The following PLXNA4 variants were observed in gnomAD, a reference collection of about 807,000 sequenced individuals.
PLXNA4 encodes the protein plexin-A4.
A neutral mutation model predicts 191.8 loss-of-function variants in PLXNA4; 44 were observed. The ratio of observed to expected loss-of-function variants is 0.23; its 90% CI spans 0.18 to 0.29. The LOEUF is 0.29. Among genes scored for constraint, PLXNA4 ranks in the 10% least tolerant of loss-of-function variants. PLXNA4 has a pLI of 1.00. For synonymous variants in PLXNA4, 1,082 were observed against 1,009.5 expected, an observed-to-expected ratio of 1.07 and a Z score of -1.36; for missense variants, 1,800 against 2,488.8, an observed-to-expected ratio of 0.72 and a Z score of 5.89.
chr7:132,144,389 A>T (rs951229725), intron 29 of PLXNA4, among the ~76,000 whole-genome samples: 3 of 152,208 alleles, frequency 2.0e-5, no homozygotes, highest in Admixed American at 6.5e-5. Context: ...AGGAAGGATG[A>T]TCCATGTTAA....
intron 2 of PLXNA4, among the ~76,000 whole-genome samples, chr7:132,504,576 T>C (rs1237386084): frequency 2.6e-5 from 4 of 152,212 alleles, no homozygotes; most frequent in Admixed American, 6.5e-5. Context: ...TTCAAGCTTT[T>C]AGAGTTGTAA....
In PLXNA4 at chr7:132,202,741, G is replaced by T. The variant is rs1797481866; in HGVS notation, c.2491C>A (p.Gln831Lys). The T allele has an allele frequency of 6.2e-7, 1 of 1,611,712 alleles. No individual in the cohort carries two copies. The highest frequency in any genetic ancestry group is 1.3e-5 in the African/African-American group (1 of 74,994). The change falls in exon 12 of 32, where the codon CAG becomes AAG. Residue 831 changes from glutamine (Q) to lysine (K), a missense_variant. Transcript: ENST00000321063. ...FACGWCQGPG[Q>K]CTLRQHCPAQ... ...GGGCAGTGCTGGCGCAGGGTGCACTGGCCTGGGCCCTGGCACCAGCCACAT... is the reference window on the plus strand; with the variant it reads ...GGGCAGTGCTGGCGCAGGGTGCACTTGCCTGGGCCCTGGCACCAGCCACAT...
intron 3 of PLXNA4, chr7:132,385,045 C>A: frequency 6.8e-7 from 1 of 1,464,006 alleles, no homozygotes. Flanking sequence ...AGTCTTTTTT[C>A]CCTAAGGACT....
chr7:132,140,622 G>A lies in PLXNA4; in HGVS notation c.5415C>T (p.Pro1805=), dbSNP rs754276165. 6.2e-7 allele frequency: 1 copy of A among 1,614,094 alleles called. No individual in the cohort carries two copies. Among genetic ancestry groups the A allele is most frequent in the South Asian group, 1.1e-5 (1 of 91,068 alleles). Residue 1805 remains proline (P), a synonymous_variant, in exon 30 of 32, where the codon CCC becomes CCT. Transcript: ENST00000321063. The part of the protein sequence containing the change: ...SNKLLYAKDI[P]SYKNWVERYY... ...ACCTCTCCACCCAATTCTTGTAGCT[G>A]GGGATGTCCTTGGCATACAGCAGCT...
chr7:132,437,957 T>C (rs1042939529), intron 3 of PLXNA4, among the ~76,000 whole-genome samples: 1 of 151,954 alleles, frequency 6.6e-6, no homozygotes, highest in African/African-American at 2.4e-5. Flanking sequence ...ATTACGCCCA[T>C]GGGTTCTGTG....
intron 2 of PLXNA4, among the ~76,000 whole-genome samples, chr7:132,588,634 A>AGGAAGGAAG (rs1554474881): frequency 3.3e-5 from 2 of 59,944 alleles, no homozygotes; most frequent in African/African-American, 6.0e-5. Context: ...TGAGGAAGGA[A>AGGAAGGAAG]GGAAGGGAAG....
chr7:132,138,174 T>C (rs1377104873), intron 30 of PLXNA4, among the ~76,000 whole-genome samples: 1 of 152,184 alleles, frequency 6.6e-6, no homozygotes, highest in Non-Finnish European at 1.5e-5. Flanking sequence ...GTAAGCCCTA[T>C]TTTTTAGTTG....
intron 4 of PLXNA4, among the ~76,000 whole-genome samples, chr7:132,292,445 T>C (rs1800927715): frequency 1.3e-5 from 2 of 152,214 alleles, no homozygotes; most frequent in Non-Finnish European, 2.9e-5. Flanking sequence ...GCCGGGTTGC[T>C]GACGAATCAA....
At chr7:132,541,110 C>T (rs1800060811) in intron 1 of PLXNA4, among the ~76,000 whole-genome samples, 2 of 152,188 alleles carry the variant, frequency 1.3e-5, no homozygotes, top group Admixed American at 1.3e-4. Context: ...AAAGTAACAG[C>T]AGCACACAAA....
At chr7:132,222,495 A>G (rs1798180079) in intron 9 of PLXNA4, among the ~76,000 whole-genome samples, 2 of 151,032 alleles carry the variant, frequency 1.3e-5, no homozygotes, top group Admixed American at 6.6e-5. Context: ...CAAATCCCCT[A>G]TGCTTCCTGC....
intron 2 of PLXNA4, among the ~76,000 whole-genome samples, chr7:132,605,958 GT>G (rs1802916430): frequency 6.6e-6 from 1 of 152,124 alleles, no homozygotes; most frequent in Non-Finnish European, 1.5e-5. Context: ...GAGGCCAGGA[GT>G]TCGAGACAAG....
intron 3 of PLXNA4, among the ~76,000 whole-genome samples, chr7:132,438,488 C>G (rs1334892518): frequency 6.6e-6 from 1 of 152,084 alleles, no homozygotes; most frequent in Non-Finnish European, 1.5e-5. Flanking sequence ...TTCATATTAC[C>G]CAGTTAAACA....
chr7:132,534,644 C>T (rs752142419), intron 1 of PLXNA4, among the ~76,000 whole-genome samples: 1 of 152,204 alleles, frequency 6.6e-6, no homozygotes, highest in Non-Finnish European at 1.5e-5. Flanking sequence ...TTGGCTGGCA[C>T]TCAAAGCCTT....
At chr7:132,183,414 C>T (rs1444976151) in intron 16 of PLXNA4, among the ~76,000 whole-genome samples, 7 of 152,216 alleles carry the variant, frequency 4.6e-5, no homozygotes. Flanking sequence ...AGCAGAGCCT[C>T]ACCCCATCCT....
chr7:132,619,433 A>G (rs1803217739), intron 2 of PLXNA4, among the ~76,000 whole-genome samples: 1 of 152,246 alleles, frequency 6.6e-6, no homozygotes, highest in South Asian at 2.1e-4. Context: ...CTTATTTGCT[A>G]CTGTTTCATC....
intron 3 of PLXNA4, among the ~76,000 whole-genome samples, chr7:132,327,691 A>G (rs1802428349): frequency 6.6e-6 from 1 of 152,238 alleles, no homozygotes; most frequent in African/African-American, 2.4e-5. Context: ...TGGATCCCGC[A>G]TGATTTATTC....
intron 14 of PLXNA4, among the ~76,000 whole-genome samples, chr7:132,188,269 G>A (rs184184444): frequency 1.3e-5 from 2 of 152,348 alleles, no homozygotes; most frequent in African/African-American, 4.8e-5. Flanking sequence ...GAGGAGTCCA[G>A]GTTGGGGGCA....
chr7:132,565,037 A>T (rs918819717), intron 1 of PLXNA4, among the ~76,000 whole-genome samples: 1 of 152,174 alleles, frequency 6.6e-6, no homozygotes, highest in Non-Finnish European at 1.5e-5. Context: ...TCACCAGATC[A>T]GCAAACACAC....
At chr7:132,389,833 AG>A (rs917858487) in intron 3 of PLXNA4, among the ~76,000 whole-genome samples, 26 of 152,316 alleles carry the variant, frequency 1.7e-4, no homozygotes, top group African/African-American at 5.8e-4. Context: ...TGATCAGGAT[AG>A]CATTAAATCT....
Sources: gnomAD v4.1 joint callset for allele counts (sites outside exome capture counted in the v4.1 genomes callset) on GRCh38, gnomAD v4.1.1 for gene constraint, MANE v1.5 for transcripts, NCBI Gene and HGNC (gene_info 2026-07-23, HGNC 2026-07-21) for gene names.